The following ZNF675 variants were observed in gnomAD, a reference collection of about 807,000 sequenced individuals.
ZNF675 encodes the protein TRAF6 inhibitory zinc finger.
Under a neutral mutation model 56.1 loss-of-function variants are expected in ZNF675, and 36 were observed. The observed-to-expected ratio is 0.64, with a 90% CI of 0.49 to 0.85. ZNF675 has a LOEUF of 0.85. Ranked by LOEUF, ZNF675 falls within the 40% of genes least tolerant of loss-of-function variation. The pLI, the probability that ZNF675 is intolerant of heterozygous loss-of-function variation, is 0.00. For synonymous variants in ZNF675, 200 were observed against 218.9 expected (o/e 0.91, Z 0.76); for missense variants, 663 against 654.2 (o/e 1.01, Z -0.15).
chr19:23,669,636 T>C (rs898624111), intron 1 of ZNF675, among the ~76,000 whole-genome samples: 6 of 152,062 alleles, frequency 3.9e-5, no homozygotes, highest in Non-Finnish European at 7.4e-5. Context: ...CACTTTGAGA[T>C]GCTGAGGCGG....
In ZNF675 at chr19:23,653,446, G is replaced by A; in HGVS notation, c.1487C>T (p.Thr496Ile). 6.2e-7 allele frequency: 1 copy of A among 1,612,792 alleles called. No homozygotes were observed. The highest frequency in any genetic ancestry group is 8.5e-7 in the Non-Finnish European group (1 of 1,179,660). ...GKAFKHSSSL[T>I]THKRIHTGEK... ...CCCAGTATGAATTCTTTTATGTGTA[G>A]TAAGGGATGAGGAGTGTTTAAAAGC... is the stretch of plus-strand genomic sequence containing the variant. The change falls in exon 4 of 4, where the codon ACT becomes ATT. Residue 496 changes from threonine (T) to isoleucine (I), a missense_variant. Coordinates refer to ENST00000359788, the MANE Select transcript of ZNF675 (RefSeq NM_138330.3).
intron 1 of ZNF675, among the ~76,000 whole-genome samples, chr19:23,678,181 GAAA>G (rs746436360): frequency 6.6e-6 from 1 of 151,220 alleles, no homozygotes; most frequent in Non-Finnish European, 1.5e-5. Context: ...CTCATTGATA[GAAA>G]AGTTCGGTAT....
intron 3 of ZNF675, chr19:23,656,197 A>G (rs1967981108): frequency 6.6e-6 from 1 of 152,266 alleles, no homozygotes. Flanking sequence ...ATTGAAAAAT[A>G]TATGAAAATA....
chr19:23,668,574 AG>A (rs1352813937), intron 1 of ZNF675, among the ~76,000 whole-genome samples: 2 of 152,218 alleles, frequency 1.3e-5, no homozygotes, highest in Non-Finnish European at 2.9e-5. Context: ...GCCGTGGAGC[AG>A]GGAGCGGCAT....
chr19:23,680,292 G>A (rs891860236), intron 1 of ZNF675, among the ~76,000 whole-genome samples: 6 of 151,396 alleles, frequency 4.0e-5, no homozygotes. Flanking sequence ...GACAAAGCCA[G>A]ACTCCGTCTC....
chr19:23,678,914 C>T (rs1968337448), intron 1 of ZNF675, among the ~76,000 whole-genome samples: 1 of 151,434 alleles, frequency 6.6e-6, no homozygotes, highest in African/African-American at 2.4e-5. Flanking sequence ...TGCCTGTAAT[C>T]CCAGCACTTT....
intron 1 of ZNF675, among the ~76,000 whole-genome samples, chr19:23,675,831 C>T (rs1383429383): frequency 2.0e-5 from 3 of 150,956 alleles, no homozygotes; most frequent in Non-Finnish European, 4.4e-5. Context: ...TAGAAGAAAA[C>T]AACAAATAAC....
intron 1 of ZNF675, among the ~76,000 whole-genome samples, chr19:23,677,917 T>C (rs2144794929): frequency 6.6e-6 from 1 of 151,440 alleles, no homozygotes. Context: ...GTCGGGAGTT[T>C]GAGACTAGCC....
chr19:23,669,782 G>A (rs1480380118), intron 1 of ZNF675, among the ~76,000 whole-genome samples: 1 of 151,812 alleles, frequency 6.6e-6, no homozygotes, highest in Non-Finnish European at 1.5e-5. Flanking sequence ...GAATCCAGGA[G>A]GCAGAGGTTG....
In ZNF675 at chr19:23,682,288, T is replaced by C. The variant is rs892221136; in HGVS notation, c.3+4743A>G. On this transcript the variant is annotated intron_variant, in intron 1 of 3. Transcript: ENST00000359788. ...GACTTTTTCACTCTCTATTCACCAT[T>C]CTTCTGCTATTTTCTTTCTAATCTT... Among the ~76,000 whole-genome samples the C allele has an allele frequency of 1.9e-4, 29 of 151,894 alleles. 3 individuals are homozygous for C. Among genetic ancestry groups the C allele is most frequent in the African/African-American group, 7.0e-4 (29 of 41,204 alleles).
chr19:23,687,005 C>A (rs755452421), intron 1 of ZNF675, 26 bp downstream of exon 1: 9 of 1,613,554 alleles, frequency 5.6e-6, no homozygotes, highest in Non-Finnish European at 7.6e-6. Context: ...TTCCCCCTCT[C>A]GGGATGTCGC....
chr19:23,668,722 C>G (rs1240547743), intron 1 of ZNF675, among the ~76,000 whole-genome samples: 1 of 152,214 alleles, frequency 6.6e-6, no homozygotes, highest in Non-Finnish European at 1.5e-5. Flanking sequence ...CGCCAGTGGG[C>G]TGGCACTGCT....
chr19:23,654,020 T>C lies in ZNF675; in HGVS notation c.913A>G (p.Ile305Val). 6.2e-7 allele frequency: 1 copy of C among 1,613,684 alleles called. No individual in the cohort carries two copies. Among genetic ancestry groups the C allele is most frequent in the Non-Finnish European group, 8.5e-7 (1 of 1,179,930 alleles). ...ATGTAGGGTTGCTCTCCAGTATGAA[T>C]TTTTTTATGTGTAGTAAGATTTGAG... The part of the protein sequence containing the change: ...QFSNLTTHKK[I>V]HTGEQPYICE... Residue 305 changes from isoleucine to valine, a missense_variant, in exon 4 of 4, where the codon ATT becomes GTT. Ile to Val is a conservative substitution (Grantham distance 29, BLOSUM62 3). Around this residue, in one of 3 missense-constraint regions of ZNF675, gnomAD observed 617 missense variants for 590.5 expected, o/e 1.04. Coordinates refer to ENST00000359788, the MANE Select transcript of ZNF675 (RefSeq NM_138330.3).
chr19:23,686,666 C>A (rs1666346439), intron 1 of ZNF675, among the ~76,000 whole-genome samples: 1 of 152,074 alleles, frequency 6.6e-6, no homozygotes, highest in Non-Finnish European at 1.5e-5. Context: ...GAACTGGGAA[C>A]CCCACGGACC....
intron 3 of ZNF675, chr19:23,657,270 G>T (rs1054929072): frequency 1.3e-5 from 2 of 151,910 alleles, no homozygotes; most frequent in Non-Finnish European, 1.5e-5. Context: ...ATTTTAGATG[G>T]TAAAATTTAT....
intron 1 of ZNF675, among the ~76,000 whole-genome samples, chr19:23,663,906 T>C (rs1968115541): frequency 6.6e-6 from 1 of 152,258 alleles, no homozygotes; most frequent in African/African-American, 2.4e-5. Flanking sequence ...TTGAGTTATC[T>C]ACACCTTTGC....
At chr19:23,680,692 G>A (rs181412982) in intron 1 of ZNF675, among the ~76,000 whole-genome samples, 143 of 151,532 alleles carry the variant, frequency 9.4e-4, no homozygotes, top group Non-Finnish European at 1.7e-3. Flanking sequence ...AGATGGAGGT[G>A]GCAGTTAGCT....
In ZNF675 at chr19:23,662,125, T is replaced by C. The variant is rs1368827406; in HGVS notation, c.215A>G (p.Asn72Ser). Residue 72 changes from asparagine (N) to serine (S), a missense_variant, in exon 3 of 4, where the codon AAT becomes AGT. Around this residue, in one of 3 missense-constraint regions of ZNF675, gnomAD observed 617 missense variants for 590.5 expected, o/e 1.04. Coordinates refer to ENST00000359788, the MANE Select transcript of ZNF675 (RefSeq NM_138330.3). ...TCATTCTCACTTACCTGGGGGTTCA[T>C]TCACCATCTCATGTCTCTTCACAGT... ...PLTVKRHEMV[N>S]EPPVMCSHFA... The C allele has an allele frequency of 6.2e-7, 1 of 1,613,312 alleles. No homozygotes were observed. The highest frequency in any genetic ancestry group is 8.5e-7 in the Non-Finnish European group (1 of 1,179,412).
intron 1 of ZNF675, among the ~76,000 whole-genome samples, chr19:23,666,609 T>G (rs1239423989): frequency 6.6e-6 from 1 of 152,220 alleles, no homozygotes; most frequent in Non-Finnish European, 1.5e-5. Context: ...GCTTTGCTGT[T>G]TCATCCAATT....
Sources: allele counts gnomAD v4.1 joint callset (sites outside exome capture counted in the v4.1 genomes callset), GRCh38; gene constraint gnomAD v4.1.1; regional missense constraint gnomAD v4.1.1; transcripts MANE v1.5; gene names NCBI Gene and HGNC (gene_info 2026-07-23, HGNC 2026-07-21).